Variants in PGAP4 observed in about 807,000 individuals in gnomAD.
PGAP4 encodes the protein post-GPI attachment to proteins GalNAc transferase 4, also known as GPI-N-acetylgalactosamine transferase PGAP4.
Under a neutral mutation model 28.2 loss-of-function variants are expected in PGAP4, and 12 were observed. The observed-to-expected ratio is 0.42, with a 90% CI of 0.27 to 0.69. The LOEUF (loss-of-function observed/expected upper bound fraction) is 0.69, where lower values mean the gene tolerates loss of function less well. Among genes scored for constraint, PGAP4 ranks in the 30% least tolerant of loss-of-function variants. The pLI is 0.22. For missense variants in PGAP4, 425 were observed against 513.5 expected, an observed-to-expected ratio of 0.83 and a Z score of 1.67; for synonymous variants, 205 against 211.8, an observed-to-expected ratio of 0.97 and a Z score of 0.28.
intron 2 of PGAP4, among the ~76,000 whole-genome samples, chr9:101,520,497 T>C (rs1406120108): frequency 6.6e-6 from 1 of 152,196 alleles, no homozygotes; most frequent in Non-Finnish European, 1.5e-5. Flanking sequence ...AGTGGTTGAG[T>C]CCTTGATGTG....
intron 2 of PGAP4, among the ~76,000 whole-genome samples, chr9:101,519,637 G>A (rs1826970185): frequency 6.7e-6 from 1 of 149,768 alleles, no homozygotes; most frequent in South Asian, 2.1e-4. Flanking sequence ...ATATGTATAT[G>A]TATGTATATA....
intron 2 of PGAP4, among the ~76,000 whole-genome samples, chr9:101,529,341 G>C (rs1437930661): frequency 6.6e-6 from 1 of 152,010 alleles, no homozygotes; most frequent in Non-Finnish European, 1.5e-5. Flanking sequence ...TTTTAGTAGG[G>C]ACAGGGTTTC....
In PGAP4 at chr9:101,476,484, G is replaced by A. The variant is rs764899666; in HGVS notation, c.609C>T (p.Asn203=). The change falls in exon 2 of 2, where the codon AAC becomes AAT. Residue 203 remains asparagine, a synonymous_variant. Coordinates refer to ENST00000374848, the MANE Select transcript of PGAP4 (RefSeq NM_032342.3). This position sits in a 1 kb window ranked among gnomAD's most constrained non-coding sequence, Gnocchi z 7.0. The part of the protein sequence containing the change: ...YCLESSLQTY[N]PDYVLMVEDD... ...CTTCTACCATCAGGACGTAGTCTGG[G>A]TTGTAGGTCTGCAGGGATGACTCCA... The A allele has an allele frequency of 6.2e-7, 1 of 1,614,172 alleles. No homozygotes were observed. Among genetic ancestry groups the A allele is most frequent in the Non-Finnish European group, 8.5e-7 (1 of 1,180,036 alleles).
At chr9:101,501,713 T>C (rs1427179440) in intron 2 of PGAP4, 10 of 519,248 alleles carry the variant, frequency 1.9e-5, no homozygotes, top group Admixed American at 9.7e-5. Context: ...GTATAGATCA[T>C]TGGGACCCAG....
chr9:101,507,309 C>T (rs1273043950), intron 2 of PGAP4, among the ~76,000 whole-genome samples: 3 of 152,052 alleles, frequency 2.0e-5, no homozygotes, highest in Non-Finnish European at 4.4e-5. Flanking sequence ...TAAGGTTTCC[C>T]AAGACAAATT....
At chr9:101,481,086 A>G (rs1304745357) in intron 1 of PGAP4, among the ~76,000 whole-genome samples, 1 of 152,200 alleles carries the variant, frequency 6.6e-6, no homozygotes, top group East Asian at 1.9e-4. Context: ...CTGAGGCAGG[A>G]GGATTGCCTG....
chr9:101,509,090 T>A (rs1826874313), intron 2 of PGAP4, among the ~76,000 whole-genome samples: 1 of 152,190 alleles, frequency 6.6e-6, no homozygotes, highest in East Asian at 1.9e-4. Context: ...GTGGACAAAG[T>A]CAATTCACCT....
chr9:101,498,472 C>T (rs1826770471), intron 2 of PGAP4, among the ~76,000 whole-genome samples: 1 of 151,190 alleles, frequency 6.6e-6, no homozygotes, highest in African/African-American at 2.4e-5. Context: ...ATTTGTAAAG[C>T]CGTTAATATG....
rs1826254895 is a variant in PGAP4 at position 101,474,987 on chromosome 9, A to ATCT, written c.*893_*894insAGA. On this transcript the variant is annotated 3_prime_UTR_variant, in exon 2 of 2. Coordinates refer to ENST00000374848, the MANE Select transcript of PGAP4 (RefSeq NM_032342.3). ...TCAGGTCTTCTGACTTCAGTCCATG[A>ATCT]TTTTTTTTTTTTTTTTTCTATAACA... is the stretch of plus-strand genomic sequence containing the variant. The ATCT allele has an allele frequency of 6.9e-6, 1 of 143,958 alleles. No individual in the cohort carries two copies. The highest frequency in any genetic ancestry group is 1.5e-5 in the Non-Finnish European group (1 of 65,764). 8.9% of individuals were successfully genotyped at this position (143,958 alleles called of 1,614,324 possible).
chr9:101,496,108 C>T (rs1267800224), intron 2 of PGAP4, among the ~76,000 whole-genome samples: 1 of 151,292 alleles, frequency 6.6e-6, no homozygotes, highest in Non-Finnish European at 1.5e-5. Context: ...TTAGGCATGT[C>T]AAGAAAAGCC....
intron 2 of PGAP4, among the ~76,000 whole-genome samples, chr9:101,504,679 T>A (rs1826834885): frequency 6.6e-6 from 1 of 152,080 alleles, no homozygotes; most frequent in African/African-American, 2.4e-5. Flanking sequence ...TCAGTGGGCT[T>A]TAGTTTTAAA....
At chr9:101,496,684 T>C (rs986056251) in intron 2 of PGAP4, among the ~76,000 whole-genome samples, 4 of 151,318 alleles carry the variant, frequency 2.6e-5, no homozygotes, top group Non-Finnish European at 5.9e-5. Context: ...TGGTTTGTCT[T>C]ACATGTTCTT....
intron 2 of PGAP4, among the ~76,000 whole-genome samples, chr9:101,493,072 G>T (rs1320517406): frequency 6.6e-6 from 1 of 151,968 alleles, no homozygotes; most frequent in Non-Finnish European, 1.5e-5. Flanking sequence ...GGCCAACATG[G>T]TGAAAACCCG....
intron 1 of PGAP4, among the ~76,000 whole-genome samples, chr9:101,485,312 T>C (rs1041486995): frequency 1.3e-5 from 2 of 152,144 alleles, no homozygotes; most frequent in Non-Finnish European, 2.9e-5. Flanking sequence ...TACAGTACAA[T>C]GCACCACTTA....
chr9:101,494,224 A>G (rs938044274), intron 2 of PGAP4, among the ~76,000 whole-genome samples: 6 of 151,954 alleles, frequency 3.9e-5, no homozygotes, highest in African/African-American at 1.4e-4. Context: ...CCTTGTTAAT[A>G]TAACCAAAGT....
At chr9:101,529,503 C>T (rs1482841651) in intron 2 of PGAP4, among the ~76,000 whole-genome samples, 2 of 152,192 alleles carry the variant, frequency 1.3e-5, no homozygotes, top group African/African-American at 4.8e-5. Flanking sequence ...GCTCCTCTGA[C>T]AATTTGTGAC....
chr9:101,492,058 C>G (rs1259992205), upstream of PGAP4, among the ~76,000 whole-genome samples: 1 of 151,646 alleles, frequency 6.6e-6, no homozygotes, highest in Non-Finnish European at 1.5e-5. Context: ...TAGGAAAAGT[C>G]TGTTAAACAC....
chr9:101,520,787 A>T (rs376476244), intron 2 of PGAP4, among the ~76,000 whole-genome samples: 10 of 152,104 alleles, frequency 6.6e-5, no homozygotes, highest in African/African-American at 2.4e-4. Context: ...GGCATCCTTG[A>T]CATTTTCCAG....
At chr9:101,520,840 T>G (rs772780616) in intron 2 of PGAP4, among the ~76,000 whole-genome samples, 1 of 152,188 alleles carries the variant, frequency 6.6e-6, no homozygotes, top group Non-Finnish European at 1.5e-5. Context: ...TTCAGTATTA[T>G]GTTGGCTGTG....
Sources: allele counts gnomAD v4.1 joint callset (sites outside exome capture counted in the v4.1 genomes callset), GRCh38; gene constraint gnomAD v4.1.1; non-coding constraint Gnocchi (gnomAD v3.1); transcripts MANE v1.5; gene names NCBI Gene and HGNC (gene_info 2026-07-23, HGNC 2026-07-21).